The following NTM variants were observed in gnomAD, a reference collection of about 807,000 sequenced individuals.
NTM encodes IgLON family member 2.
A neutral mutation model predicts 42.1 loss-of-function variants in NTM; 13 were observed. That is an observed-to-expected ratio of 0.31 (90% CI 0.20 to 0.49). The LOEUF is 0.49. NTM is among the 20% of genes least tolerant of loss of function. The pLI is 0.99. For missense variants in NTM, 373 were observed against 452.8 expected (o/e 0.82, Z 1.60); for synonymous variants, 187 against 179.2 (o/e 1.04, Z -0.35).
chr11:132,314,857 T>TA, intron 7 of NTM, 154 bp downstream of exon 7: 1 of 1,379,840 alleles, frequency 7.2e-7, no homozygotes, highest in Admixed American at 3.3e-5. Context: ...CAGAAAGAAA[T>TA]GGAGAGAGAG....
At chr11:132,305,314 G>C (rs2095038126) in intron 4 of NTM, among the ~76,000 whole-genome samples, 1 of 152,190 alleles carries the variant, frequency 6.6e-6, no homozygotes, top group Admixed American at 6.5e-5. Context: ...TCCCCGCTTT[G>C]GTGATGTAAT....
chr11:132,177,815 T>C (rs373437925), intron 3 of NTM, among the ~76,000 whole-genome samples: 7 of 152,360 alleles, frequency 4.6e-5, no homozygotes, highest in African/African-American at 1.7e-4. Flanking sequence ...TGACTATGAC[T>C]AATGCACTCA....
At chr11:131,957,205 T>C (rs1565822228) in intron 2 of NTM, among the ~76,000 whole-genome samples, 1 of 152,224 alleles carries the variant, frequency 6.6e-6, no homozygotes, top group Non-Finnish European at 1.5e-5. Context: ...AAAATTGTCC[T>C]GAGGACCAGA....
At chr11:131,393,494 G>A (rs1401919617) in intron 1 of NTM, among the ~76,000 whole-genome samples, 1 of 152,170 alleles carries the variant, frequency 6.6e-6, no homozygotes, top group African/African-American at 2.4e-5. Context: ...GAAGCAAAAG[G>A]GAGATCACGC....
At chr11:131,640,335 G>A (rs2064979156) in intron 1 of NTM, among the ~76,000 whole-genome samples, 1 of 152,176 alleles carries the variant, frequency 6.6e-6, no homozygotes, top group Non-Finnish European at 1.5e-5. Flanking sequence ...AGGTTGAGAT[G>A]CATATATCCT....
At chr11:132,195,154 T>G (rs560622668) in intron 3 of NTM, among the ~76,000 whole-genome samples, 1 of 152,054 alleles carries the variant, frequency 6.6e-6, no homozygotes, top group South Asian at 2.1e-4. Context: ...CACCAATAAC[T>G]TCCAAGCTGA....
chr11:132,093,889 C>T (rs1271965700), intron 2 of NTM, among the ~76,000 whole-genome samples: 1 of 152,132 alleles, frequency 6.6e-6, no homozygotes. Context: ...AATTAAATTT[C>T]AGAGTTTAAT....
intron 1 of NTM, among the ~76,000 whole-genome samples, chr11:131,650,770 T>A (rs1382000738): frequency 6.6e-6 from 1 of 152,100 alleles, no homozygotes; most frequent in Admixed American, 6.5e-5. Flanking sequence ...ATACCAAATT[T>A]AAAAAAATTA....
At chr11:131,790,837 T>C (rs1322069181) in intron 1 of NTM, among the ~76,000 whole-genome samples, 1 of 152,120 alleles carries the variant, frequency 6.6e-6, no homozygotes, top group African/African-American at 2.4e-5. Flanking sequence ...GAGGCACAGA[T>C]TAAAGTTGCA....
At chr11:132,326,658 CTG>C (rs757295931) in intron 7 of NTM, among the ~76,000 whole-genome samples, 23 of 152,196 alleles carry the variant, frequency 1.5e-4, no homozygotes, top group Non-Finnish European at 2.9e-4. Context: ...GCGAAGAAGA[CTG>C]TGGATATCTA....
At chr11:132,204,389 G>A (rs962731373) in intron 3 of NTM, among the ~76,000 whole-genome samples, 1 of 152,152 alleles carries the variant, frequency 6.6e-6, no homozygotes, top group African/African-American at 2.4e-5. Flanking sequence ...ACGATGCCAG[G>A]CATTATGATA....
intron 3 of NTM, among the ~76,000 whole-genome samples, chr11:132,151,463 A>G (rs181946890): frequency 6.6e-6 from 1 of 152,352 alleles, no homozygotes; most frequent in East Asian, 1.9e-4. Context: ...ACTCTCACTT[A>G]GAGACACATT....
chr11:131,609,630 T>C (rs2061311586), intron 1 of NTM, among the ~76,000 whole-genome samples: 1 of 152,216 alleles, frequency 6.6e-6, no homozygotes, highest in African/African-American at 2.4e-5. Context: ...TTGAGCTGGA[T>C]TTATCTCTGG....
chr11:131,436,350 A>G (rs1021529770), intron 1 of NTM, among the ~76,000 whole-genome samples: 6 of 152,158 alleles, frequency 3.9e-5, no homozygotes, highest in African/African-American at 1.4e-4. Flanking sequence ...ATAGTTTCAG[A>G]AGGAATGGTA....
chr11:131,702,255 T>C (rs529042043), intron 1 of NTM, among the ~76,000 whole-genome samples: 1 of 152,094 alleles, frequency 6.6e-6, no homozygotes, highest in Non-Finnish European at 1.5e-5. Flanking sequence ...CTTTACTCCT[T>C]CTCTCTAAAA....
At chr11:131,978,185 G>A (rs909811357) in intron 2 of NTM, among the ~76,000 whole-genome samples, 4 of 152,192 alleles carry the variant, frequency 2.6e-5, no homozygotes, top group African/African-American at 7.2e-5. Flanking sequence ...TCATACCCTC[G>A]AGTGTGAAGT....
intron 2 of NTM, among the ~76,000 whole-genome samples, chr11:132,075,508 G>A (rs1262797881): frequency 4.6e-5 from 7 of 152,152 alleles, no homozygotes; most frequent in South Asian, 4.1e-4. Flanking sequence ...CAAACATTTT[G>A]TCTTTTATTG....
rs1002252609 is a variant in NTM, at chr11:131,910,941, C to A, written c.83-623C>A. ...CCGCGCGCCACCCCTGCGCCTCCCG[C>A]GAGCTCCACTTCCCATCTGCTATTG... On this transcript the variant is annotated intron_variant, in intron 1 of 8. Transcript: ENST00000683400. The A allele has an allele frequency of 3.9e-5, 39 of 988,346 alleles. No individual in the cohort carries two copies. The African/African-American group carries it at 5.8e-4, about 15-fold the overall frequency. 61.2% of individuals were successfully genotyped at this position (988,346 alleles called of 1,614,324 possible).
At chr11:131,888,473 G>A (rs1253903662) in intron 1 of NTM, among the ~76,000 whole-genome samples, 2 of 152,096 alleles carry the variant, frequency 1.3e-5, no homozygotes, top group Admixed American at 1.3e-4. Flanking sequence ...GCACAGGTGA[G>A]GGCTGTTCTC....
Sources: gnomAD v4.1 joint callset for allele counts (sites outside exome capture counted in the v4.1 genomes callset) on GRCh38, gnomAD v4.1.1 for gene constraint, MANE v1.5 for transcripts, NCBI Gene and HGNC (gene_info 2026-07-23, HGNC 2026-07-21) for gene names.